The following DBF4 variants were observed in gnomAD, a reference collection of about 807,000 sequenced individuals.
The protein encoded by DBF4 is protein DBF4 homolog A.
In DBF4, 25 loss-of-function variants were observed where a neutral mutation model predicts 76.6. The observed-to-expected ratio is 0.33, with a 90% CI of 0.24 to 0.46. DBF4 has a LOEUF of 0.46. DBF4 is among the 20% of genes least tolerant of loss of function. DBF4 has a pLI of 1.00. For missense variants in DBF4, 638 were observed against 760.8 expected (o/e 0.84, Z 1.90); for synonymous variants, 213 against 258.0 (o/e 0.83, Z 1.67).
At chr7:87,893,534 C>T (rs900191612) in intron 6 of DBF4, among the ~76,000 whole-genome samples, 11 of 152,264 alleles carry the variant, frequency 7.2e-5, no homozygotes, top group African/African-American at 2.6e-4. Context: ...CGTGAGCCAC[C>T]GCGCCCGGCC....
rs951765026 is a variant in DBF4 at position 87,907,149 on chromosome 7, C to T, written c.1050-39C>T. 5.5e-6 allele frequency: 8 copies of T among 1,463,114 alleles called. No individual in the cohort carries two copies. In the Admixed American group the frequency reaches 7.4e-5, roughly 13 times the overall value. The allele number at this position is 1,463,114 out of a possible 1,614,324, so 90.6% of individuals were successfully genotyped here. A position where few individuals can be genotyped will look rare whatever the true frequency, so the allele number is the denominator to read the frequency against. On this transcript the variant is annotated intron_variant, in intron 11 of 11. Transcript: ENST00000265728. Reference sequence around the variant, plus strand: ...ACTACTCAGGAATTTGTTTTGATAGCAATTATTTTAATATTTTTCTTCTAT... The same window carrying T: ...ACTACTCAGGAATTTGTTTTGATAGTAATTATTTTAATATTTTTCTTCTAT...
chr7:87,902,827 A>G (rs1380026838), intron 10 of DBF4, among the ~76,000 whole-genome samples: 1 of 152,230 alleles, frequency 6.6e-6, no homozygotes, highest in Non-Finnish European at 1.5e-5. Flanking sequence ...TGTATATTAC[A>G]GGATGCTAGT....
At chr7:87,895,896 A>T (rs1258855853) in intron 6 of DBF4, among the ~76,000 whole-genome samples, 1 of 152,098 alleles carries the variant, frequency 6.6e-6, no homozygotes, top group Non-Finnish European at 1.5e-5. Context: ...GGCCACTTGA[A>T]CCTCATTCCT....
intron 2 of DBF4, 116 bp downstream of exon 2, chr7:87,878,341 AT>A: frequency 1.3e-6 from 1 of 779,226 alleles, no homozygotes; most frequent in Non-Finnish European, 2.0e-6. Flanking sequence ...CAAGCTTAAC[AT>A]TTTTATCAGC....
rs1839937311 is a variant in DBF4 at position 87,907,429 on chromosome 7, A to T, written c.1291A>T (p.Ser431Cys). 3.1e-6 allele frequency: 5 copies of T among 1,613,978 alleles called. No individual in the cohort carries two copies. Among genetic ancestry groups the T allele is most frequent in the Non-Finnish European group, 4.2e-6 (5 of 1,179,984 alleles). ...ATTGAGAGGGCTTAATGAGAAAATG[A>T]GTAATAAATGTTCCATGTTAAGTAC... ...NELRGLNEKM[S>C]NKCSMLSTAE... The change falls in exon 12 of 12, where the codon AGT becomes TGT. Residue 431 changes from serine (S) to cysteine (C), a missense_variant. Physicochemically the swap from Ser to Cys is moderately radical, Grantham distance 112 (BLOSUM62 -1). Transcript: ENST00000265728.
intron 2 of DBF4, among the ~76,000 whole-genome samples, chr7:87,882,986 CAA>C (rs752368439): frequency 8.5e-5 from 13 of 152,056 alleles, no homozygotes; most frequent in Non-Finnish European, 1.5e-4. Context: ...AGCAGGGTCT[CAA>C]AGATATTTAT....
At chr7:87,881,784 CAG>C (rs1157134156) in intron 2 of DBF4, among the ~76,000 whole-genome samples, 3 of 152,154 alleles carry the variant, frequency 2.0e-5, no homozygotes, top group African/African-American at 4.8e-5. Flanking sequence ...AATGCTTTGA[CAG>C]AAATATGTAG....
At chr7:87,895,496 G>GT (rs1839610630) in intron 6 of DBF4, among the ~76,000 whole-genome samples, 1 of 151,896 alleles carries the variant, frequency 6.6e-6, no homozygotes, top group South Asian at 2.1e-4. Flanking sequence ...TTCTGCCATT[G>GT]TTTTAGCGGA....
chr7:87,894,112 T>G (rs1456382083), intron 6 of DBF4, among the ~76,000 whole-genome samples: 1 of 152,216 alleles, frequency 6.6e-6, no homozygotes, highest in African/African-American at 2.4e-5. Context: ...TAGTACATCT[T>G]CTTATAATGA....
At chr7:87,904,457 C>T (rs377520612) in intron 11 of DBF4, 41 bp downstream of exon 11, 54 of 1,573,900 alleles carry the variant, frequency 3.4e-5, no homozygotes, top group South Asian at 2.4e-4. Context: ...TTCTACTAGG[C>T]GGCCAGGGGT....
chr7:87,901,209 T>C (rs1839779788), intron 10 of DBF4, among the ~76,000 whole-genome samples: 1 of 152,110 alleles, frequency 6.6e-6, no homozygotes. Context: ...AGATCAGTGC[T>C]ATGAAAAAAT....
At position 87,896,428 on chromosome 7, in the gene DBF4, A is replaced by G. The variant is rs777503600; in HGVS notation, c.598-46A>G. On this transcript the variant is annotated intron_variant, in intron 6 of 11. Transcript: ENST00000265728. ...ACTGAGCAATTGCAGTTGCTGTTTT[A>G]ACTGTACTTTCAAAGCCAATCTTTT... The G allele has an allele frequency of 5.2e-6, 8 of 1,537,636 alleles. No homozygotes were observed. The South Asian group carries it at 9.1e-5, about 18-fold the overall frequency.
In DBF4 at chr7:87,898,443, C is replaced by A. The variant is rs111315259; in HGVS notation, c.680+1104C>A. On this transcript the variant is annotated intron_variant, in intron 8 of 11. Coordinates refer to ENST00000265728, the MANE Select transcript of DBF4 (RefSeq NM_006716.4). ...TTTTGCAGAAATAGTAAAAACGTAT[C>A]CTAGAATTCATACGGAATTGTAACA... Among the ~76,000 whole-genome samples, 556 of 152,148 alleles carry A rather than the reference C, an allele frequency of 3.7e-3. 2 individuals carry two copies. Among genetic ancestry groups the A allele is most frequent in the Middle Eastern group, 0.027 (8 of 294 alleles).
At chr7:87,901,982 T>C (rs901154818) in intron 10 of DBF4, among the ~76,000 whole-genome samples, 1 of 152,182 alleles carries the variant, frequency 6.6e-6, no homozygotes, top group Admixed American at 6.5e-5. Context: ...TTTTATGTAA[T>C]AAACAAGAAA....
intron 6 of DBF4, among the ~76,000 whole-genome samples, chr7:87,891,693 T>G (rs76922301): frequency 0.025 from 3,760 of 152,276 alleles, 146 homozygotes; most frequent in African/African-American, 0.085. Context: ...CTGGCTAGTT[T>G]TACCAGTTAT....
chr7:87,877,937 ATAACT>A (rs1309122674), intron 1 of DBF4, 111 bp from the exon 2 acceptor site: 5 of 865,246 alleles, frequency 5.8e-6, no homozygotes, highest in Non-Finnish European at 8.6e-6. Context: ...TTCAATGCTA[ATAACT>A]TAAACTGGTA....
rs1326745225 is a variant in DBF4, at chr7:87,894,518, C to T, written c.598-1956C>T. On this transcript the variant is annotated intron_variant, in intron 6 of 11. Coordinates refer to ENST00000265728, the MANE Select transcript of DBF4 (RefSeq NM_006716.4). ...CAGGAGGAAAATAGTCCTATTAACC[C>T]AGATGTTAACCTTTCCATTACTCTT... 2.0e-5 allele frequency among the ~76,000 whole-genome samples: 3 copies of T among 152,298 alleles called. No homozygotes were observed. In the East Asian group the frequency reaches 5.8e-4, roughly 29 times the overall value.
At position 87,909,140 on chromosome 7, in the gene DBF4, G is replaced by C. The variant is rs1217118895; in HGVS notation, c.*977G>C. 1.3e-5 allele frequency: 2 copies of C among 152,100 alleles called. No homozygotes were observed. The highest frequency in any genetic ancestry group is 2.9e-5 in the Non-Finnish European group (2 of 68,020). The allele number at this position is 152,100 out of a possible 1,614,324, so 9.4% of individuals were successfully genotyped here. A position where few individuals can be genotyped will look rare whatever the true frequency, so the allele number is the denominator to read the frequency against. ...AGATGAAGGAGAAAAGGATGGCATT[G>C]AATTATAGATACAGTTTTGGGATAT... On this transcript the variant is annotated 3_prime_UTR_variant, in exon 12 of 12. Transcript: ENST00000265728.
At position 87,896,525 on chromosome 7, in the gene DBF4, A is replaced by G. The variant is rs1451137239; in HGVS notation, c.634+15A>G. 1.2e-6 allele frequency: 2 copies of G among 1,608,936 alleles called. No homozygotes were observed. Among genetic ancestry groups the G allele is most frequent in the Non-Finnish European group, 8.5e-7 (1 of 1,176,894 alleles). On this transcript the variant is annotated intron_variant, in intron 7 of 11. Coordinates refer to ENST00000265728, the MANE Select transcript of DBF4 (RefSeq NM_006716.4). ...AAAAACAAGAAGTAAGTATTTTGTGATCTTTAAGTGTATTTGGTTTGCATT... is the reference window on the plus strand; with the variant it reads ...AAAAACAAGAAGTAAGTATTTTGTGGTCTTTAAGTGTATTTGGTTTGCATT...
Sources: gnomAD v4.1 joint callset for allele counts (sites outside exome capture counted in the v4.1 genomes callset) on GRCh38, gnomAD v4.1.1 for gene constraint, MANE v1.5 for transcripts, NCBI Gene and HGNC (gene_info 2026-07-23, HGNC 2026-07-21) for gene names.